Variants in IQGAP3 observed in about 807,000 individuals in gnomAD.
IQGAP3 encodes IQ motif containing GTPase activating protein 3, also known as ras GTPase-activating-like protein IQGAP3.
IQGAP3 carries 165 observed loss-of-function variants against 208.2 expected under a neutral mutation model. The observed-to-expected ratio is 0.79, with a 90% CI of 0.70 to 0.90. The LOEUF is 0.90. Among genes scored for constraint, IQGAP3 ranks in the 40% least tolerant of loss-of-function variants. The pLI is 0.00. For synonymous variants in IQGAP3, 703 were observed against 803.6 expected (o/e 0.87, Z 2.12); for missense variants, 1,811 against 2,043.1 (o/e 0.89, Z 2.19).
chr1:156,569,160 G>A (rs773294572), intron 2 of IQGAP3, among the ~76,000 whole-genome samples: 3 of 151,904 alleles, frequency 2.0e-5, no homozygotes, highest in Admixed American at 6.6e-5. Flanking sequence ...ATAAGCGAAC[G>A]TCCACATATT....
In IQGAP3 at chr1:156,535,174, C is replaced by T. The variant is rs202212274; in HGVS notation, c.3496G>A (p.Glu1166Lys). 78 of 1,613,132 alleles carry T rather than the reference C, an allele frequency of 4.8e-5. No individual in the cohort carries two copies. The highest frequency in any genetic ancestry group is 1.6e-4 in the Middle Eastern group (1 of 6,078). Residue 1166 changes from glutamate (E) to lysine (K), a missense_variant, in exon 28 of 38, where the codon GAG becomes AAG. By Grantham distance (56) the Glu-to-Lys change is moderately conservative. Transcript: ENST00000361170. Reference sequence around the variant, plus strand: ...GAGACAACACTTGCCTTATAGACCTCGCTGTCTGTGGCGTCAGGGAATTTC... The same window carrying T: ...GAGACAACACTTGCCTTATAGACCTTGCTGTCTGTGGCGTCAGGGAATTTC... Reference protein sequence around the residue: ...AEKFPDATDSEVYKVVGNLLY... With the variant: ...AEKFPDATDSKVYKVVGNLLY...
chr1:156,530,052 GCACA>G, intron 34 of IQGAP3, 49 bp downstream of exon 34: 2 of 1,316,074 alleles, frequency 1.5e-6, no homozygotes. Context: ...GTATATGCAC[GCACA>G]CACACACACG....
In IQGAP3 at chr1:156,566,431, G is replaced by T; in HGVS notation, c.241C>A (p.Pro81Thr). The change falls in exon 3 of 38, where the codon CCC becomes ACC. Residue 81 changes from proline (P) to threonine (T), a missense_variant. By Grantham distance (38) the Pro-to-Thr change is conservative (BLOSUM62 -1). Transcript: ENST00000361170. ...TCCACATCGTAGATCTTCTTCAAGG[G>T]AACCACGGAGGGTGCAAAACAGTGG... is the stretch of plus-strand genomic sequence containing the variant. The part of the protein sequence containing the change: ...LGHCFAPSVV[P>T]LKKIYDVEQL... 6.2e-7 allele frequency: 1 copy of T among 1,614,094 alleles called. No homozygotes were observed. Among genetic ancestry groups the T allele is most frequent in the East Asian group, 2.2e-5 (1 of 44,880 alleles).
chr1:156,547,380 G>A (rs1027799693), intron 19 of IQGAP3, among the ~76,000 whole-genome samples: 1 of 83,664 alleles, frequency 1.2e-5, no homozygotes, highest in East Asian at 3.6e-4. Flanking sequence ...CACAGACACA[G>A]ACACACAGAC....
Position 156,554,443 on chromosome 1 carries a change from A to C in IQGAP3, c.1291-51T>G, listed in dbSNP as rs755061950. 4 of 1,509,078 alleles carry C rather than the reference A, an allele frequency of 2.7e-6. No homozygotes were observed. The African/African-American group carries it at 5.6e-5, about 21-fold the overall frequency. 93.5% of individuals were successfully genotyped at this position (1,509,078 alleles called of 1,614,324 possible). On this transcript the variant is annotated intron_variant, in intron 12 of 37. Coordinates refer to ENST00000361170, the MANE Select transcript of IQGAP3 (RefSeq NM_178229.5). ...CCAAGTGGGCAGGTGAAGGGTCTAA[A>C]GGCCTATTCACCATCCTGCCCCCAA... is the stretch of plus-strand genomic sequence containing the variant.
chr1:156,568,167 A>G (rs1045771556), intron 2 of IQGAP3, among the ~76,000 whole-genome samples: 2 of 151,612 alleles, frequency 1.3e-5, no homozygotes, highest in Admixed American at 6.6e-5. Context: ...TGAGTGGGGG[A>G]AAAAAAACCA....
chr1:156,539,996 G>A lies in IQGAP3; in HGVS notation c.2740-6C>T. 6.2e-7 allele frequency: 1 copy of A among 1,614,136 alleles called. No individual in the cohort carries two copies. The highest frequency in any genetic ancestry group is 8.5e-7 in the Non-Finnish European group (1 of 1,180,030). ...TTGCAGTGGGAGACCACTTCCTGCA[G>A]GGGTGGAGGAGCGGGTGATACAACT... On this transcript the variant is annotated splice_polypyrimidine_tract_variant and splice_region_variant and intron_variant, in intron 23 of 37. Transcript: ENST00000361170.
chr1:156,540,020 C>T, intron 23 of IQGAP3, 30 bp from the exon 24 acceptor site: 1 of 1,613,776 alleles, frequency 6.2e-7, no homozygotes, highest in Non-Finnish European at 8.5e-7. Context: ...GGTGATACAA[C>T]TAGCCTAGGC....
In IQGAP3 at chr1:156,539,933, T is replaced by C. The variant is rs945852958; in HGVS notation, c.2797A>G (p.Met933Val). Reference protein sequence around the residue: ...TKRNKEQLSDMMVLDKQKGLK... With the variant: ...TKRNKEQLSDVMVLDKQKGLK... ...CCCTTCTGCTTGTCCAGAACCATCA[T>C]ATCTGACAGCTGTTCCTTATTCCTC... Residue 933 changes from methionine (M) to valine (V), a missense_variant, in exon 24 of 38, where the codon ATG (methionine) becomes GTG (valine). Coordinates refer to ENST00000361170, the MANE Select transcript of IQGAP3 (RefSeq NM_178229.5). 4.3e-6 allele frequency: 7 copies of C among 1,614,130 alleles called. No homozygotes were observed. In the South Asian group the frequency reaches 7.7e-5, roughly 18 times the overall value.
Position 156,540,913 on chromosome 1 carries a change from T to C in IQGAP3, c.2534A>G (p.His845Arg), listed in dbSNP as rs1674947810. ...CACACTGAGAGGAGGGTGGGGTGCA[T>C]GCACTGGGAGGAAGGGAGGAGGCAT... The part of the protein sequence containing the change: ...KAQDDYRILV[H>R]APHPPLSVVR... The change falls in exon 23 of 38, where the codon CAT (histidine) becomes CGT (arginine). Residue 845 changes from histidine to arginine, a missense_variant. Physicochemically the swap from His to Arg is conservative, Grantham distance 29 (BLOSUM62 0). Transcript: ENST00000361170. 3 of 1,613,336 alleles carry C rather than the reference T, an allele frequency of 1.9e-6. No homozygotes were observed. The highest frequency in any genetic ancestry group is 2.5e-6 in the Non-Finnish European group (3 of 1,179,760).
intron 37 of IQGAP3, among the ~76,000 whole-genome samples, chr1:156,527,323 T>C (rs551477223): frequency 6.6e-6 from 1 of 151,482 alleles, no homozygotes; most frequent in South Asian, 2.1e-4. Context: ...CTACTAAAAA[T>C]ACACAAAAAG....
intron 3 of IQGAP3, 49 bp downstream of exon 3, chr1:156,566,341 A>G (rs4382715): frequency 0.99 from 1,572,302 of 1,583,568 alleles, 781,247 homozygotes; most frequent in East Asian, 1. Context: ...TTGAGGAGAA[A>G]GCATAGTTTG....
At chr1:156,542,465 C>T (rs986113704) in intron 22 of IQGAP3, among the ~76,000 whole-genome samples, 9 of 152,194 alleles carry the variant, frequency 5.9e-5, no homozygotes, top group Non-Finnish European at 8.8e-5. Flanking sequence ...GCTGGGATTA[C>T]AGGTGTGAGC....
intron 11 of IQGAP3, among the ~76,000 whole-genome samples, chr1:156,558,257 C>A (rs1367169524): frequency 1.5e-5 from 1 of 65,770 alleles, no homozygotes; most frequent in African/African-American, 5.0e-5. Context: ...GGGGGTCAGC[C>A]CCCCGCCCGG....
chr1:156,525,658 T>C lies in IQGAP3; in HGVS notation c.*828A>G, dbSNP rs1221878485. Reference sequence around the variant, plus strand: ...ATCTGTTGCCCCAACCTAAGGTGACTTTAAATCCAAGGTAAAAAACACGGC... The same window carrying C: ...ATCTGTTGCCCCAACCTAAGGTGACCTTAAATCCAAGGTAAAAAACACGGC... On this transcript the variant is annotated 3_prime_UTR_variant, in exon 38 of 38. Transcript: ENST00000361170. The C allele has an allele frequency of 7.4e-6, 1 of 134,676 alleles. No individual in the cohort carries two copies. The highest frequency in any genetic ancestry group is 2.6e-5 in the African/African-American group (1 of 37,738). 8.3% of individuals were successfully genotyped at this position (134,676 alleles called of 1,614,324 possible).
At chr1:156,533,361 G>A (rs1398738713) in intron 31 of IQGAP3, among the ~76,000 whole-genome samples, 1 of 152,076 alleles carries the variant, frequency 6.6e-6, no homozygotes, top group East Asian at 1.9e-4. Flanking sequence ...CCTCAGCCCT[G>A]GGTGCCCTGA....
chr1:156,570,466 C>A (rs934110637), intron 1 of IQGAP3, among the ~76,000 whole-genome samples: 2 of 152,098 alleles, frequency 1.3e-5, no homozygotes, highest in African/African-American at 4.8e-5. Flanking sequence ...GTCTAGGCTG[C>A]GGTTAGCCAT....
Position 156,544,980 on chromosome 1 carries a change from G to A in IQGAP3, c.2305-508C>T, listed in dbSNP as rs575225676. On this transcript the variant is annotated intron_variant, in intron 19 of 37. Coordinates refer to ENST00000361170, the MANE Select transcript of IQGAP3 (RefSeq NM_178229.5). Reference sequence around the variant, plus strand: ...GAGAAGTGTGTACAGGCACAGAGCCGTGTGCTCACCATCTCTGCCCGCGGC... The same window carrying A: ...GAGAAGTGTGTACAGGCACAGAGCCATGTGCTCACCATCTCTGCCCGCGGC... Among the ~76,000 whole-genome samples, 110 of 152,310 alleles carry A rather than the reference G, an allele frequency of 7.2e-4. 1 individual carries two copies. The highest frequency in any genetic ancestry group is 1.2e-3 in the Non-Finnish European group (80 of 68,020).
intron 2 of IQGAP3, among the ~76,000 whole-genome samples, chr1:156,566,776 C>A (rs1676417265): frequency 1.3e-5 from 2 of 150,856 alleles, no homozygotes; most frequent in Admixed American, 1.3e-4. Flanking sequence ...CCCACCCCAG[C>A]AAATCTTCCT....
Sources: allele counts gnomAD v4.1 joint callset (sites outside exome capture counted in the v4.1 genomes callset), GRCh38; gene constraint gnomAD v4.1.1; transcripts MANE v1.5; gene names NCBI Gene and HGNC (gene_info 2026-07-23, HGNC 2026-07-21).